NEB: variants seen among roughly 807,000 people sequenced by gnomAD.
NEB encodes nebulin.
NEB carries 512 observed loss-of-function variants against 952.2 expected under a neutral mutation model. The ratio of observed to expected loss-of-function variants is 0.54; its 90% CI spans 0.50 to 0.58. The LOEUF (loss-of-function observed/expected upper bound fraction) is 0.58. Among genes scored for constraint, NEB ranks in the 20% least tolerant of loss-of-function variants. The probability of loss-of-function intolerance (pLI) is 0.00; values close to 1 mark genes in which losing one functional copy is unlikely to be tolerated. For synonymous variants in NEB, 2,900 were observed against 3,149.8 expected (o/e 0.92, Z 2.66); for missense variants, 8,428 against 9,231.1 (o/e 0.91, Z 3.56).
intron 6 of NEB, 27 bp downstream of exon 6, chr2:151,725,426 C>T (rs1424584908): frequency 6.4e-7 from 1 of 1,568,778 alleles, no homozygotes; most frequent in Admixed American, 1.7e-5. Flanking sequence ...AAATGTCCCT[C>T]TCCTTTATTT....
At chr2:151,540,113 G>A (rs2093833240) in intron 138 of NEB, among the ~76,000 whole-genome samples, 1 of 152,064 alleles carries the variant, frequency 6.6e-6, no homozygotes. Context: ...ATAAGAAAGG[G>A]TCATATTTTT....
intron 13 of NEB, among the ~76,000 whole-genome samples, chr2:151,698,101 G>C (rs6755280): frequency 1.4e-5 from 2 of 140,226 alleles, no homozygotes; most frequent in African/African-American, 5.5e-5. Context: ...AAAACAAAAA[G>C]AAAAAAACCT....
chr2:151,489,757 GT>G (rs372813378), intron 181 of NEB, among the ~76,000 whole-genome samples: 17 of 148,064 alleles, frequency 1.1e-4, no homozygotes, highest in Admixed American at 3.4e-4. Context: ...CTAGGTTTGG[GT>G]TTTTTTTTTA....
In NEB at chr2:151,652,608, T is replaced by C. The variant is rs1038072470; in HGVS notation, c.6915+1384A>G. 4.6e-5 allele frequency among the ~76,000 whole-genome samples: 7 copies of C among 152,306 alleles called. 1 individual carries two copies. The South Asian group carries it at 1.2e-3, about 27-fold the overall frequency. The stretch of plus-strand genomic sequence containing the variant: ...ATGCTGAGTGGGAGATTAGATTAAA[T>C]GTCCTTTATGTTATCTTCCGACTCT... On this transcript the variant is annotated intron_variant, in intron 52 of 181. Coordinates refer to ENST00000397345, the MANE Select transcript of NEB (RefSeq NM_001164508.2).
Position 151,525,333 on chromosome 2 carries a change from T to C in NEB, c.22162-60A>G. Reference sequence around the variant, plus strand: ...GAAGCTGGGAACAGAGTTGGTTTACTTGAAGAACTGTGAAATCTCCAGGAA... The same window carrying C: ...GAAGCTGGGAACAGAGTTGGTTTACCTGAAGAACTGTGAAATCTCCAGGAA... On this transcript the variant is annotated intron_variant, in intron 150 of 181. Coordinates refer to ENST00000397345, the MANE Select transcript of NEB (RefSeq NM_001164508.2). The C allele has an allele frequency of 3.2e-6, 4 of 1,244,642 alleles. No homozygotes were observed. In the South Asian group the frequency reaches 3.7e-5, roughly 11 times the overall value. The allele number at this position is 1,244,642 out of a possible 1,614,324, so 77.1% of individuals were successfully genotyped here.
chr2:151,516,671 C>G, intron 156 of NEB, 108 bp from the exon 157 acceptor site: 1 of 746,874 alleles, frequency 1.3e-6, no homozygotes, highest in South Asian at 1.6e-5. Context: ...GATGGCATCT[C>G]ATTGCCACTC....
chr2:151,677,435 A>T lies in NEB; in HGVS notation c.3774+130T>A, dbSNP rs1203364415. ...AAACTACACATAACTGTAATTTTTA[A>T]AAAATTAAATAAACAAAATAATTTA... On this transcript the variant is annotated intron_variant, in intron 34 of 181. Transcript: ENST00000397345. The T allele has an allele frequency of 4.2e-6, 3 of 711,960 alleles. No homozygotes were observed. The East Asian group carries it at 9.1e-5, about 22-fold the overall frequency. 44.1% of individuals were successfully genotyped at this position (711,960 alleles called of 1,614,324 possible). A position where few individuals can be genotyped will look rare whatever the true frequency, so the allele number is the denominator to read the frequency against.
At position 151,492,236 on chromosome 2, in the gene NEB, G is replaced by C; in HGVS notation, c.24919C>G (p.Pro8307Ala). Residue 8307 changes from proline to alanine, a missense_variant, in exon 178 of 182, where the codon CCA (proline) becomes GCA (alanine). This residue lies in a region of NEB where 3,374 missense variants were observed against 3,651.5 expected (regional missense o/e 0.92). Transcript: ENST00000397345. ...TCAGTGATAGGATCTGTCACCACTG[G>C]TGTGAAGCAACCCTTGTGTTTCTCA... Reference protein sequence around the residue: ...DFEKHKGCFTPVVTDPITERV... With the variant: ...DFEKHKGCFTAVVTDPITERV... The C allele has an allele frequency of 1.2e-6, 2 of 1,613,818 alleles. No individual in the cohort carries two copies. The highest frequency in any genetic ancestry group is 1.7e-6 in the Non-Finnish European group (2 of 1,179,840).
At chr2:151,640,333 T>A in intron 61 of NEB, 22 bp downstream of exon 61, 2 of 1,608,690 alleles carry the variant, frequency 1.2e-6, no homozygotes, top group Non-Finnish European at 1.7e-6. Flanking sequence ...CTCTGCACGT[T>A]ATTATGACTC....
chr2:151,578,873 G>A (rs774637460), intron 105 of NEB, among the ~76,000 whole-genome samples: 3 of 151,944 alleles, frequency 2.0e-5, no homozygotes, highest in Non-Finnish European at 4.4e-5. Flanking sequence ...CCTGCGGTCA[G>A]GAGTTCAAAA....
Position 151,663,699 on chromosome 2 carries a change from G to A in NEB, c.5612C>T (p.Thr1871Ile), listed in dbSNP as rs753865894. The A allele has an allele frequency of 6.2e-7, 1 of 1,613,792 alleles. No individual in the cohort carries two copies. The highest frequency in any genetic ancestry group is 8.5e-7 in the Non-Finnish European group (1 of 1,179,798). ...CACCACACTGAGCATGTCCACCGGG[G>A]TGTGGAAGGAGGTCTTGGATTTCTC... ...GYEKSKTSFHTPVDMLSVVAA... is the reference protein window; with the variant it reads ...GYEKSKTSFHIPVDMLSVVAA... Residue 1871 changes from threonine (T) to isoleucine (I), a missense_variant, in exon 45 of 182, where the codon ACC becomes ATC. By Grantham distance (89) the Thr-to-Ile change is moderately conservative. Around this residue, in one of 11 missense-constraint regions of NEB, gnomAD observed 2,851 missense variants for 2,791.5 expected, o/e 1.02. Transcript: ENST00000397345.
chr2:151,658,217 A>G, intron 47 of NEB, 127 bp from the exon 48 acceptor site: 1 of 637,072 alleles, frequency 1.6e-6, no homozygotes. Flanking sequence ...TTGGTGCTTC[A>G]GTGGCTGAAT....
intron 13 of NEB, among the ~76,000 whole-genome samples, chr2:151,705,163 CT>C (rs1327851061): frequency 6.6e-6 from 1 of 152,012 alleles, no homozygotes; most frequent in Non-Finnish European, 1.5e-5. Context: ...AACAATTAGC[CT>C]TCAAAATTAT....
intron 60 of NEB, 143 bp downstream of exon 60, chr2:151,642,431 C>T: frequency 1.5e-6 from 1 of 686,816 alleles, no homozygotes; most frequent in Non-Finnish European, 2.4e-6. Context: ...ACTCTATTAC[C>T]ATTATTTTAA....
chr2:151,553,850 T>C lies in NEB; in HGVS notation c.19604A>G (p.Lys6535Arg), dbSNP rs1424773847. Residue 6535 changes from lysine (K) to arginine (R), a missense_variant, in exon 126 of 182, where the codon AAA becomes AGA. By Grantham distance (26) the Lys-to-Arg change is conservative. Coordinates refer to ENST00000397345, the MANE Select transcript of NEB (RefSeq NM_001164508.2). Reference protein sequence around the residue: ...PDLQVNDHVRKVTDQISDIVY... With the variant: ...PDLQVNDHVRRVTDQISDIVY... ...TACATCGCTGATCTGATCTGTGACT[T>C]TCCTGACGTGATCATTGACTTGCAA... 4 of 1,613,102 alleles carry C rather than the reference T, an allele frequency of 2.5e-6. No homozygotes were observed. The African/African-American group carries it at 5.3e-5, about 22-fold the overall frequency.
In NEB at chr2:151,630,728, AT is replaced by A. The variant is rs750502323; in HGVS notation, c.9709del (p.Ile3237SerfsTer67). 1.2e-6 allele frequency: 2 copies of A among 1,607,492 alleles called. No individual in the cohort carries two copies. The highest frequency in any genetic ancestry group is 1.7e-6 in the Non-Finnish European group (2 of 1,176,486). ...TTTTGCTCCTACCTCACTGTAGTTG[AT>A]TTTGTTCTGCCTTGCCAACATAATC... ...PEIMLARQNK[I>X]NYSETLYKLA... On this transcript the variant is annotated frameshift_variant, in exon 67 of 182. Transcript: ENST00000397345. LOFTEE classifies it high-confidence loss of function.
intron 17 of NEB, 136 bp downstream of exon 17, chr2:151,696,500 AC>A (rs1187128147): frequency 3.6e-6 from 2 of 556,416 alleles, no homozygotes; most frequent in African/African-American, 3.8e-5. Flanking sequence ...ATATTTTTAT[AC>A]AAATGTATAC....
chr2:151,485,667 G>A lies in NEB; in HGVS notation c.*93C>T. 1 of 1,242,360 alleles carries A rather than the reference G, an allele frequency of 8.0e-7. No individual in the cohort carries two copies. The highest frequency in any genetic ancestry group is 2.4e-5 in the East Asian group (1 of 42,230). 77.0% of individuals were successfully genotyped at this position (1,242,360 alleles called of 1,614,324 possible). ...CATTGACACAGAAAAACCATAGGCA[G>A]CTTGAGAACTTAGGTAACAGTGGAG... On this transcript the variant is annotated 3_prime_UTR_variant, in exon 182 of 182. Transcript: ENST00000397345.
At chr2:151,668,261 A>G (rs2099244615) in intron 39 of NEB, among the ~76,000 whole-genome samples, 1 of 152,160 alleles carries the variant, frequency 6.6e-6, no homozygotes, top group Non-Finnish European at 1.5e-5. Flanking sequence ...ATACTTTTGG[A>G]AAAACGTTTC....
Sources: gnomAD v4.1 joint callset for allele counts (sites outside exome capture counted in the v4.1 genomes callset) on GRCh38, gnomAD v4.1.1 for gene constraint, gnomAD v4.1.1 regional missense constraint, MANE v1.5 for transcripts, NCBI Gene and HGNC (gene_info 2026-07-23, HGNC 2026-07-21) for gene names.